The following CPA6 variants were observed in gnomAD, a reference collection of about 807,000 sequenced individuals.
CPA6 encodes the protein carboxypeptidase B.
In CPA6, 58 loss-of-function variants were observed where a neutral mutation model predicts 63.3. That is an observed-to-expected ratio of 0.92 (90% CI 0.74 to 1.14). The LOEUF is 1.14. CPA6 is among the 50% of genes most tolerant of loss of function. The probability of loss-of-function intolerance (pLI) is 0.00; values close to 1 mark genes in which losing one functional copy is unlikely to be tolerated. For missense variants in CPA6, 565 were observed against 526.6 expected (o/e 1.07, Z -0.71); for synonymous variants, 185 against 179.0 (o/e 1.03, Z -0.27).
chr8:67,684,282 C>A (rs192868564), intron 1 of CPA6, among the ~76,000 whole-genome samples: 1 of 152,126 alleles, frequency 6.6e-6, no homozygotes, highest in African/African-American at 2.4e-5. Context: ...TCTTACACAT[C>A]ATCAGCCACA....
chr8:67,655,188 C>G (rs980098350), intron 1 of CPA6, among the ~76,000 whole-genome samples: 1 of 152,128 alleles, frequency 6.6e-6, no homozygotes, highest in Non-Finnish European at 1.5e-5. Context: ...TGATACAATT[C>G]TTATTGATAC....
chr8:67,680,963 T>A (rs1469638364), intron 1 of CPA6, among the ~76,000 whole-genome samples: 2 of 152,182 alleles, frequency 1.3e-5, no homozygotes, highest in Non-Finnish European at 2.9e-5. Flanking sequence ...TTGAATGTTT[T>A]CTTGAGTTTC....
intron 1 of CPA6, among the ~76,000 whole-genome samples, chr8:67,655,153 A>G (rs1815954881): frequency 6.6e-6 from 1 of 152,170 alleles, no homozygotes; most frequent in African/African-American, 2.4e-5. Context: ...TTTCTTTGTT[A>G]TAACAGGGAT....
intron 2 of CPA6, among the ~76,000 whole-genome samples, chr8:67,585,169 C>T (rs1813892865): frequency 6.6e-6 from 1 of 151,886 alleles, no homozygotes; most frequent in South Asian, 2.1e-4. Flanking sequence ...TCGTTTGAAG[C>T]TTAGAGTTTG....
At chr8:67,475,319 G>A (rs1018352359) in intron 8 of CPA6, among the ~76,000 whole-genome samples, 2 of 152,202 alleles carry the variant, frequency 1.3e-5, no homozygotes, top group Admixed American at 6.5e-5. Flanking sequence ...AGTCAGGCCA[G>A]CACTAATTCT....
chr8:67,563,855 A>G (rs1376408689), intron 2 of CPA6, among the ~76,000 whole-genome samples: 2 of 152,146 alleles, frequency 1.3e-5, no homozygotes, highest in Non-Finnish European at 2.9e-5. Flanking sequence ...CACAGTTAGA[A>G]TTATTTATCC....
At chr8:67,530,133 G>A (rs763310010) in intron 2 of CPA6, among the ~76,000 whole-genome samples, 11 of 151,590 alleles carry the variant, frequency 7.3e-5, no homozygotes, top group African/African-American at 2.7e-4. Context: ...ATTTAAAAGA[G>A]CAGAAATTTA....
At chr8:67,440,188 G>T (rs1038891648) in intron 8 of CPA6, among the ~76,000 whole-genome samples, 3 of 152,152 alleles carry the variant, frequency 2.0e-5, no homozygotes, top group Admixed American at 2.0e-4. Context: ...ATCCTTCCTT[G>T]CCTCTTCCTA....
chr8:67,692,496 A>T (rs2128997503), intron 1 of CPA6, among the ~76,000 whole-genome samples: 1 of 152,296 alleles, frequency 6.6e-6, no homozygotes, highest in South Asian at 2.1e-4. Context: ...ATTTTATTGA[A>T]GATTCTCTGT....
intron 8 of CPA6, among the ~76,000 whole-genome samples, chr8:67,449,989 T>G (rs140963585): frequency 4.9e-4 from 75 of 152,148 alleles, no homozygotes; most frequent in African/African-American, 1.7e-3. Flanking sequence ...ATAATTTTTG[T>G]ATTTTTAGTA....
At position 67,477,222 on chromosome 8, in the gene CPA6, G is replaced by A. The variant is rs190055248; in HGVS notation, c.838+6546C>T. Among the ~76,000 whole-genome samples, 564 of 149,832 alleles carry A rather than the reference G, an allele frequency of 3.8e-3. 5 individuals carry two copies. Among genetic ancestry groups the A allele is most frequent in the African/African-American group, 0.012 (480 of 40,636 alleles). The stretch of plus-strand genomic sequence containing the variant: ...AGGAGAATGGCTGAACCTGGGAGGC[G>A]GAGCTTGCAGTGAGCTGAGATTGCA... On this transcript the variant is annotated intron_variant, in intron 8 of 10. Coordinates refer to ENST00000297770, the MANE Select transcript of CPA6 (RefSeq NM_020361.5).
intron 3 of CPA6, among the ~76,000 whole-genome samples, chr8:67,513,658 TAGG>T (rs1812086680): frequency 6.6e-6 from 1 of 152,124 alleles, no homozygotes; most frequent in Admixed American, 6.5e-5. Flanking sequence ...ACGCAGGCCC[TAGG>T]AGATCAACCT....
chr8:67,611,849 C>T (rs1212812443), intron 2 of CPA6, among the ~76,000 whole-genome samples: 3 of 152,168 alleles, frequency 2.0e-5, no homozygotes, highest in Admixed American at 2.0e-4. Flanking sequence ...CTTTGCGGTG[C>T]ATGGATTCCA....
intron 1 of CPA6, among the ~76,000 whole-genome samples, chr8:67,632,225 C>T (rs572998959): frequency 1.3e-5 from 2 of 151,768 alleles, no homozygotes; most frequent in Non-Finnish European, 1.5e-5. Context: ...GGCTGGAGTG[C>T]AGGGGCATGA....
chr8:67,437,142 T>A (rs1224879372), intron 8 of CPA6, among the ~76,000 whole-genome samples: 3 of 152,210 alleles, frequency 2.0e-5, no homozygotes, highest in East Asian at 1.9e-4. Flanking sequence ...ATGCTTGTAA[T>A]CCCAGCACTT....
intron 1 of CPA6, among the ~76,000 whole-genome samples, chr8:67,632,344 AC>A (rs914110523): frequency 2.5e-4 from 38 of 151,084 alleles, no homozygotes; most frequent in African/African-American, 9.1e-4. Flanking sequence ...CTAATTAAAA[AC>A]TTTTTTTTAA....
intron 6 of CPA6, among the ~76,000 whole-genome samples, chr8:67,487,463 T>C (rs955083886): frequency 1.3e-5 from 2 of 152,192 alleles, no homozygotes; most frequent in Non-Finnish European, 2.9e-5. Flanking sequence ...TGATGGACAT[T>C]TGGGTTGGTT....
chr8:67,637,159 A>G (rs1815486475), intron 1 of CPA6, among the ~76,000 whole-genome samples: 1 of 151,694 alleles, frequency 6.6e-6, no homozygotes, highest in Non-Finnish European at 1.5e-5. Context: ...AAAAACACAT[A>G]GTCTTCAGAA....
intron 1 of CPA6, among the ~76,000 whole-genome samples, chr8:67,649,706 T>C (rs1815793731): frequency 6.6e-6 from 1 of 152,278 alleles, no homozygotes; most frequent in East Asian, 1.9e-4. Context: ...TTATAAGCCA[T>C]GGTTGGCATG....
Sources: allele counts gnomAD v4.1 joint callset (sites outside exome capture counted in the v4.1 genomes callset), GRCh38; gene constraint gnomAD v4.1.1; transcripts MANE v1.5; gene names NCBI Gene and HGNC (gene_info 2026-07-23, HGNC 2026-07-21).